KCNN2: variants seen among roughly 807,000 people sequenced by gnomAD.
KCNN2 encodes potassium calcium-activated channel subfamily N member 2.
In KCNN2, 24 loss-of-function variants were observed where a neutral mutation model predicts 55.5. That is an observed-to-expected ratio of 0.43 (90% CI 0.31 to 0.61). The LOEUF is 0.61. Ranked by LOEUF, KCNN2 falls within the 20% of genes least tolerant of loss-of-function variation. KCNN2 has a pLI of 0.08. For synonymous variants in KCNN2, 431 were observed against 336.1 expected (o/e 1.28, Z -3.09); for missense variants, 754 against 853.6 (o/e 0.88, Z 1.45).
At chr5:114,205,895 G>A (rs572683731) in intron 1 of KCNN2, among the ~76,000 whole-genome samples, 4 of 152,174 alleles carry the variant, frequency 2.6e-5, no homozygotes, top group Non-Finnish European at 4.4e-5. Context: ...GATGGCAGAC[G>A]GCATGAAAAG....
At chr5:114,225,983 CA>C (rs1168109586) in intron 2 of KCNN2, among the ~76,000 whole-genome samples, 1 of 152,144 alleles carries the variant, frequency 6.6e-6, no homozygotes, top group East Asian at 1.9e-4. Context: ...GAAATTCATA[CA>C]ACTGTGGTTT....
intron 2 of KCNN2, among the ~76,000 whole-genome samples, chr5:114,332,408 A>C (rs1756840709): frequency 6.6e-6 from 1 of 152,244 alleles, no homozygotes; most frequent in South Asian, 2.1e-4. Context: ...GAAAGGAAGT[A>C]GCATAAAAGA....
intron 3 of KCNN2, among the ~76,000 whole-genome samples, chr5:114,442,975 T>A (rs1210969027): frequency 2.6e-5 from 1 of 38,532 alleles, no homozygotes; most frequent in Admixed American, 4.0e-4. Flanking sequence ...TTTAAAGGTG[T>A]TTTTTTCACA....
At chr5:114,482,845 G>A (rs1762285059) in intron 5 of KCNN2, among the ~76,000 whole-genome samples, 1 of 152,142 alleles carries the variant, frequency 6.6e-6, no homozygotes, top group South Asian at 2.1e-4. Flanking sequence ...ATGGACACAT[G>A]GTGGGAGGGA....
chr5:114,127,949 C>T (rs1017455503), intron 1 of KCNN2, among the ~76,000 whole-genome samples: 10 of 152,204 alleles, frequency 6.6e-5, no homozygotes, highest in Middle Eastern at 3.4e-3. Flanking sequence ...ATCTCCATCT[C>T]AGACCACCTC....
chr5:114,477,155 T>G (rs1488931128), intron 5 of KCNN2, among the ~76,000 whole-genome samples: 1 of 135,012 alleles, frequency 7.4e-6, no homozygotes, highest in African/African-American at 2.5e-5. Context: ...AGAAATCATT[T>G]TTTCTGATGG....
intron 2 of KCNN2, among the ~76,000 whole-genome samples, chr5:114,242,048 A>T (rs1201431124): frequency 6.6e-6 from 1 of 151,412 alleles, no homozygotes; most frequent in Non-Finnish European, 1.5e-5. Context: ...CAGTTCCCAC[A>T]CGGTGAAATG....
chr5:114,157,527 G>C (rs1752662215), intron 1 of KCNN2, among the ~76,000 whole-genome samples: 1 of 152,144 alleles, frequency 6.6e-6, no homozygotes, highest in South Asian at 2.1e-4. Flanking sequence ...ACCCAGTAAT[G>C]GGATGGCTGG....
At chr5:114,244,393 C>G (rs1754709117) in intron 2 of KCNN2, among the ~76,000 whole-genome samples, 1 of 151,832 alleles carries the variant, frequency 6.6e-6, no homozygotes, top group South Asian at 2.1e-4. Context: ...GTCAGGAGTT[C>G]AAGACCAACC....
intron 2 of KCNN2, among the ~76,000 whole-genome samples, chr5:114,321,196 A>G (rs1756607527): frequency 6.6e-6 from 1 of 152,132 alleles, no homozygotes; most frequent in African/African-American, 2.4e-5. Flanking sequence ...CCATAGAAGT[A>G]CAATTTACCC....
At chr5:114,201,691 C>A (rs553438745) in intron 1 of KCNN2, among the ~76,000 whole-genome samples, 114 of 152,244 alleles carry the variant, frequency 7.5e-4, no homozygotes, top group Admixed American at 3.6e-3. Context: ...GGCCTGGCAC[C>A]AGAGAAGGCG....
intron 2 of KCNN2, among the ~76,000 whole-genome samples, chr5:114,367,139 A>T (rs936214558): frequency 1.3e-5 from 2 of 152,200 alleles, no homozygotes; most frequent in African/African-American, 4.8e-5. Flanking sequence ...ATGTTTATAC[A>T]CACTCTGGCA....
intron 1 of KCNN2, among the ~76,000 whole-genome samples, chr5:114,132,961 T>A (rs908587502): frequency 6.6e-6 from 1 of 152,186 alleles, no homozygotes; most frequent in African/African-American, 2.4e-5. Context: ...ACAGGGACCT[T>A]TTATACACCC....
intron 2 of KCNN2, among the ~76,000 whole-genome samples, chr5:114,345,377 A>G (rs1757087716): frequency 6.6e-6 from 1 of 152,240 alleles, no homozygotes; most frequent in Non-Finnish European, 1.5e-5. Context: ...GCAATGGAGT[A>G]GGGACCTTCC....
intron 1 of KCNN2, among the ~76,000 whole-genome samples, chr5:114,159,740 A>T (rs565506099): frequency 6.6e-6 from 1 of 152,224 alleles, no homozygotes; most frequent in South Asian, 2.1e-4. Flanking sequence ...GGGAGGGTGT[A>T]TGTGTCGAGG....
At position 114,473,065 on chromosome 5, in the gene KCNN2, C is replaced by T; in HGVS notation, c.1791C>T (p.Cys597=). 1 of 1,607,938 alleles carries T rather than the reference C, an allele frequency of 6.2e-7. No homozygotes were observed. The highest frequency in any genetic ancestry group is 8.5e-7 in the Non-Finnish European group (1 of 1,176,392). ...CLLTGIMGAG[C]TALVVAVVAR... Reference sequence around the variant, plus strand: ...CTCCTTGTTTTCAGGGTGCTGGTTGCACAGCCCTGGTGGTAGCTGTAGTGG... The same window carrying T: ...CTCCTTGTTTTCAGGGTGCTGGTTGTACAGCCCTGGTGGTAGCTGTAGTGG... The change falls in exon 5 of 8, where the codon TGC becomes TGT. Residue 597 remains cysteine, a synonymous_variant. Coordinates refer to ENST00000673685, the MANE Select transcript of KCNN2 (RefSeq NM_021614.4).
At chr5:114,146,676 C>T (rs1044239274) in intron 1 of KCNN2, among the ~76,000 whole-genome samples, 1 of 152,122 alleles carries the variant, frequency 6.6e-6, no homozygotes, top group African/African-American at 2.4e-5. Flanking sequence ...GAGACAATCT[C>T]AACACTGATA....
intron 2 of KCNN2, among the ~76,000 whole-genome samples, chr5:114,281,865 G>GT (rs561260345): frequency 2.0e-4 from 31 of 151,328 alleles, no homozygotes; most frequent in Middle Eastern, 6.8e-3. Flanking sequence ...AATTTTCTGT[G>GT]TTTTTTTTCT....
chr5:114,111,824 A>G (rs1346740286), intron 1 of KCNN2, among the ~76,000 whole-genome samples: 10 of 152,190 alleles, frequency 6.6e-5, no homozygotes, highest in Non-Finnish European at 1.5e-5. Context: ...AAAGTCAGGA[A>G]ACAACAGGTG....
Sources: allele counts gnomAD v4.1 joint callset (sites outside exome capture counted in the v4.1 genomes callset), GRCh38; gene constraint gnomAD v4.1.1; transcripts MANE v1.5; gene names NCBI Gene and HGNC (gene_info 2026-07-23, HGNC 2026-07-21).